The following DIP2A variants were observed in gnomAD, a reference collection of about 807,000 sequenced individuals.
DIP2A encodes DIP2 acetate--CoA ligase A, also known as disco-interacting protein 2 homolog A.
Under a neutral mutation model 177.4 loss-of-function variants are expected in DIP2A, and 85 were observed. The ratio of observed to expected loss-of-function variants is 0.48; its 90% confidence interval spans 0.40 to 0.57. The LOEUF (loss-of-function observed/expected upper bound fraction) is 0.57. Among genes scored for constraint, DIP2A ranks in the 20% least tolerant of loss-of-function variants. DIP2A has a pLI of 0.00. For synonymous variants in DIP2A, 886 were observed against 881.8 expected (o/e 1.00, Z -0.08); for missense variants, 1,791 against 2,100.2 (o/e 0.85, Z 2.88).
chr21:46,533,665 A>G lies in DIP2A; in HGVS notation c.1429+18A>G. ...TTTCAAAGGTGAGGCCTCCCAAGGGAAGGGGAGTCAGTGTTCTGACTGTGG... is the reference window on the plus strand; with the variant it reads ...TTTCAAAGGTGAGGCCTCCCAAGGGGAGGGGAGTCAGTGTTCTGACTGTGG... On this transcript the variant is annotated intron_variant, in intron 11 of 37. Transcript: ENST00000417564. The G allele has an allele frequency of 4.3e-6, 7 of 1,613,880 alleles. No homozygotes were observed. The highest frequency in any genetic ancestry group is 5.9e-6 in the Non-Finnish European group (7 of 1,179,830).
chr21:46,533,399 A>C, intron 10 of DIP2A, 125 bp from the exon 11 acceptor site: 1 of 1,175,680 alleles, frequency 8.5e-7, no homozygotes, highest in Non-Finnish European at 1.2e-6. Flanking sequence ...GGACTGAATT[A>C]TTCTGGAAGT....
At chr21:46,553,854 C>A (rs1468725322) in intron 25 of DIP2A, 2 of 229,032 alleles carry the variant, frequency 8.7e-6, no homozygotes, top group African/African-American at 4.4e-5. Flanking sequence ...TGAGAGAGTA[C>A]AGATGGTGAG....
Position 46,561,822 on chromosome 21 carries a change from C to T in DIP2A, c.4089+17C>T, listed in dbSNP as rs371714108. 1.9e-5 allele frequency: 31 copies of T among 1,613,428 alleles called. No individual in the cohort carries two copies. The highest frequency in any genetic ancestry group is 1.6e-4 in the Middle Eastern group (1 of 6,076). On this transcript the variant is annotated intron_variant, in intron 34 of 37. Transcript: ENST00000417564. The stretch of plus-strand genomic sequence containing the variant: ...TCTGGAAAGGTAGTGGAAACCAAGA[C>T]GCGTGCATTCTGAGTCGCGTCTGAG...
intron 9 of DIP2A, 30 bp from the exon 10 acceptor site, chr21:46,532,097 T>C: frequency 6.3e-7 from 1 of 1,580,824 alleles, no homozygotes; most frequent in South Asian, 1.2e-5. Flanking sequence ...ATTGGAAATT[T>C]GGAATATTCA....
At chr21:46,468,439 C>T (rs1392275072) in intron 1 of DIP2A, among the ~76,000 whole-genome samples, 1 of 149,498 alleles carries the variant, frequency 6.7e-6, no homozygotes, top group Non-Finnish European at 1.5e-5. Context: ...GAGAGAAAAT[C>T]GGCGCCAGAA....
Position 46,563,620 on chromosome 21 carries a change from C to A in DIP2A, c.4090-238C>A. 1.7e-6 allele frequency: 1 copy of A among 600,464 alleles called. No individual in the cohort carries two copies. Among genetic ancestry groups the A allele is most frequent in the Non-Finnish European group, 2.7e-6 (1 of 371,038 alleles). 37.2% of individuals were successfully genotyped at this position (600,464 alleles called of 1,614,324 possible). On this transcript the variant is annotated intron_variant, in intron 34 of 37. Transcript: ENST00000417564. The surrounding 1 kb of genome is among the most constrained non-coding windows in gnomAD (Gnocchi z 4.3). ...CTTAGTGACCCTCTGCCCCTCCTGA[C>A]ACCCAGAGACGGGATCCCTTCTCAG...
rs777372928 is a variant in DIP2A at position 46,557,543 on chromosome 21, C to T, written c.3630-42C>T. 66 of 1,579,212 alleles carry T rather than the reference C, an allele frequency of 4.2e-5. No individual in the cohort carries two copies. The South Asian group carries it at 6.6e-4, about 16-fold the overall frequency. ...AGGGAAGAGTGGAGTGCCCAGGGTG[C>T]TGGGTGGGCGGGCGGAGCCTCACGA... is the stretch of plus-strand genomic sequence containing the variant. On this transcript the variant is annotated intron_variant, in intron 30 of 37. Coordinates refer to ENST00000417564, the MANE Select transcript of DIP2A (RefSeq NM_015151.4). The surrounding 1 kb of genome is among the most constrained non-coding windows in gnomAD (Gnocchi z 6.0).
intron 16 of DIP2A, 161 bp from the exon 17 acceptor site, chr21:46,539,716 C>A: frequency 1.5e-6 from 1 of 678,170 alleles, no homozygotes; most frequent in Non-Finnish European, 2.7e-6. Flanking sequence ...CCTTGAAGAA[C>A]ATGAAGTCTG....
rs2058537793 is a variant in DIP2A at position 46,515,618 on chromosome 21, G to C, written c.1102+4004G>C. Among the ~76,000 whole-genome samples the C allele has an allele frequency of 6.6e-5, 10 of 152,126 alleles. 1 individual carries two copies. In the South Asian group the frequency reaches 2.1e-3, roughly 32 times the overall value. On this transcript the variant is annotated intron_variant, in intron 8 of 37. Transcript: ENST00000417564. ...AGGGCGTGATCTCGGCTCACTGCAA[G>C]CTCCACCCCCCAGGCTCAGGTGATC...
chr21:46,485,806 C>G (rs546437092), intron 2 of DIP2A, among the ~76,000 whole-genome samples: 1 of 152,220 alleles, frequency 6.6e-6, no homozygotes, highest in African/African-American at 2.4e-5. Context: ...GGCGCGGTGG[C>G]TCACGCCTGT....
rs1160667540 is a variant in DIP2A, at chr21:46,489,110, GGT to G, written c.164-1480_164-1479del. 4.0e-5 allele frequency among the ~76,000 whole-genome samples: 6 copies of G among 151,516 alleles called. No individual in the cohort carries two copies. The South Asian group carries it at 8.3e-4, about 21-fold the overall frequency. On this transcript the variant is annotated intron_variant, in intron 2 of 37. Coordinates refer to ENST00000417564, the MANE Select transcript of DIP2A (RefSeq NM_015151.4). ...ACACACAAACACACGTGTGTGTGTG[GGT>G]GTGTGTGTGGATGTGTGTGTGGATG...
intron 4 of DIP2A, among the ~76,000 whole-genome samples, chr21:46,497,572 T>A (rs2057425321): frequency 1.3e-5 from 2 of 152,246 alleles, no homozygotes; most frequent in Non-Finnish European, 2.9e-5. Context: ...TTATTGTTGG[T>A]ACCATTAGAA....
chr21:46,558,298 C>G lies in DIP2A; in HGVS notation c.3874C>G (p.Gln1292Glu), dbSNP rs1391003506. 38 of 1,610,920 alleles carry G rather than the reference C, an allele frequency of 2.4e-5. No individual in the cohort carries two copies. The highest frequency in any genetic ancestry group is 3.1e-5 in the Non-Finnish European group (37 of 1,179,324). Residue 1292 changes from glutamine (Q) to glutamate (E), a missense_variant, in exon 32 of 38, where the codon CAG (glutamine) becomes GAG (glutamate). Coordinates refer to ENST00000417564, the MANE Select transcript of DIP2A (RefSeq NM_015151.4). ...GGAGCGGCCCAGGATTGCGCTGACC[C>G]AGTCCTTCTCCAAGCTCTTCAAGGA... ...AEERPRIALT[Q>E]SFSKLFKDLG...
intron 9 of DIP2A, among the ~76,000 whole-genome samples, chr21:46,530,449 G>T (rs2059309269): frequency 6.6e-6 from 1 of 152,168 alleles, no homozygotes; most frequent in South Asian, 2.1e-4. Context: ...AGGGAGGAAA[G>T]AGGAAACAAC....
chr21:46,510,426 C>A (rs1232178873), intron 7 of DIP2A, among the ~76,000 whole-genome samples: 1 of 152,126 alleles, frequency 6.6e-6, no homozygotes, highest in African/African-American at 2.4e-5. Context: ...ATCCTTCAAT[C>A]CCATCAAGTT....
At chr21:46,542,793 C>T (rs2059871436) in intron 18 of DIP2A, among the ~76,000 whole-genome samples, 1 of 152,246 alleles carries the variant, frequency 6.6e-6, no homozygotes, top group Non-Finnish European at 1.5e-5. Context: ...GCAGTCTCCC[C>T]CCTTCCAATG....
intron 12 of DIP2A, 49 bp downstream of exon 12, chr21:46,534,162 T>G (rs2059464167): frequency 6.9e-7 from 1 of 1,446,118 alleles, no homozygotes. Flanking sequence ...TCCCACAGGC[T>G]TAAGTCTTGC....
chr21:46,501,465 G>A (rs1358943077), intron 5 of DIP2A, among the ~76,000 whole-genome samples: 5 of 151,302 alleles, frequency 3.3e-5, no homozygotes, highest in Middle Eastern at 3.2e-3. Context: ...TGTCACCCAC[G>A]CTGGAGTACA....
At chr21:46,517,097 T>A (rs2058620553) in intron 8 of DIP2A, among the ~76,000 whole-genome samples, 1 of 132,606 alleles carries the variant, frequency 7.5e-6, no homozygotes, top group Non-Finnish European at 1.6e-5. Context: ...AGAGTCTTGC[T>A]CTGTTGCCCA....
Sources: allele counts gnomAD v4.1 joint callset (sites outside exome capture counted in the v4.1 genomes callset), GRCh38; gene constraint gnomAD v4.1.1; non-coding constraint Gnocchi (gnomAD v3.1); transcripts MANE v1.5; gene names NCBI Gene and HGNC (gene_info 2026-07-23, HGNC 2026-07-21).